The following UTRN variants were observed in gnomAD, a reference collection of about 807,000 sequenced individuals.
UTRN encodes the protein utrophin, also known as dystrophin-related protein 1.
UTRN carries 283 observed loss-of-function variants against 463.9 expected under a neutral mutation model. That is an observed-to-expected ratio of 0.61 (90% CI 0.55 to 0.67). The LOEUF is 0.67. Among genes scored for constraint, UTRN ranks in the 30% least tolerant of loss-of-function variants. The probability of loss-of-function intolerance (pLI) is 0.00; values close to 1 mark genes in which losing one functional copy is unlikely to be tolerated. For missense variants in UTRN, 3,922 were observed against 4,084.3 expected (o/e 0.96, Z 1.08); for synonymous variants, 1,442 against 1,431.5 (o/e 1.01, Z -0.17).
intron 51 of UTRN, among the ~76,000 whole-genome samples, chr6:144,647,371 G>A (rs1778403857): frequency 6.6e-6 from 1 of 152,162 alleles, no homozygotes; most frequent in Non-Finnish European, 1.5e-5. Context: ...CAGAACAGAG[G>A]AGTTTATTTG....
At chr6:144,344,080 T>C in intron 2 of UTRN, 2 of 978,176 alleles carry the variant, frequency 2.0e-6, no homozygotes, top group Non-Finnish European at 2.5e-6. Context: ...ATGGGAAAAA[T>C]AAAAGCCACC....
intron 41 of UTRN, among the ~76,000 whole-genome samples, chr6:144,529,374 G>T (rs1796841789): frequency 6.6e-6 from 1 of 152,180 alleles, no homozygotes; most frequent in Admixed American, 6.5e-5. Context: ...GTATGTTCCT[G>T]CGGTAGTTCT....
intron 2 of UTRN, among the ~76,000 whole-genome samples, chr6:144,379,413 G>A (rs1426374878): frequency 1.3e-5 from 2 of 152,070 alleles, no homozygotes. Context: ...ATTCCAAGAT[G>A]GCTTATGTAC....
intron 51 of UTRN, among the ~76,000 whole-genome samples, chr6:144,625,718 A>G (rs1775875872): frequency 6.6e-6 from 1 of 152,204 alleles, no homozygotes; most frequent in African/African-American, 2.4e-5. Context: ...TTAGTCCTCT[A>G]TTACTTATTA....
rs17073957 is a variant in UTRN at position 144,617,968 on chromosome 6, A to G, written c.7479+40680A>G. On this transcript the variant is annotated intron_variant, in intron 51 of 74. Coordinates refer to ENST00000367545, the MANE Select transcript of UTRN (RefSeq NM_007124.3). ...CAAAAAAGCCATCCCTCGATTTAGC[A>G]GAACATTGAGAAATCCTTTCCTTTG... Among the ~76,000 whole-genome samples the G allele has an allele frequency of 1.6e-3, 251 of 152,328 alleles. 1 individual carries two copies. Among genetic ancestry groups the G allele is most frequent in the African/African-American group, 5.6e-3 (233 of 41,580 alleles).
chr6:144,290,443 C>T (rs1329946059), intron 1 of UTRN, among the ~76,000 whole-genome samples: 1 of 152,174 alleles, frequency 6.6e-6, no homozygotes, highest in Non-Finnish European at 1.5e-5. Context: ...GATTTGTCTG[C>T]TCATGAGAAG....
chr6:144,418,779 C>T (rs1784580598), intron 3 of UTRN, among the ~76,000 whole-genome samples: 1 of 151,962 alleles, frequency 6.6e-6, no homozygotes, highest in Admixed American at 6.5e-5. Flanking sequence ...GTCTCGAATT[C>T]CTGCTCAAGT....
chr6:144,766,182 T>A (rs1297842657), intron 58 of UTRN, among the ~76,000 whole-genome samples: 2 of 152,000 alleles, frequency 1.3e-5, no homozygotes, highest in Non-Finnish European at 2.9e-5. Flanking sequence ...ATGTTACTGA[T>A]GGGGGTACTC....
intron 61 of UTRN, among the ~76,000 whole-genome samples, chr6:144,782,526 C>T (rs1775927112): frequency 6.6e-6 from 1 of 151,918 alleles, no homozygotes. Flanking sequence ...TAATAATCTG[C>T]TCTACAATCT....
At position 144,602,541 on chromosome 6, in the gene UTRN, G is replaced by A. The variant is rs533548923; in HGVS notation, c.7479+25253G>A. On this transcript the variant is annotated intron_variant, in intron 51 of 74. Coordinates refer to ENST00000367545, the MANE Select transcript of UTRN (RefSeq NM_007124.3). ...GTAAGCTATGCATACATTTAAGAAA[G>A]ACTAGTAAATACAAGTGAGATACTT... Among the ~76,000 whole-genome samples, 9 of 152,250 alleles carry A rather than the reference G, an allele frequency of 5.9e-5. No homozygotes were observed. In the South Asian group the frequency reaches 1.9e-3, roughly 32 times the overall value.
chr6:144,704,399 G>A (rs1251677219), intron 53 of UTRN, among the ~76,000 whole-genome samples: 3 of 152,116 alleles, frequency 2.0e-5, no homozygotes, highest in South Asian at 2.1e-4. Flanking sequence ...ATTAGTACTC[G>A]GTATAGATTA....
intron 51 of UTRN, among the ~76,000 whole-genome samples, chr6:144,581,762 C>T (rs1197853294): frequency 1.3e-5 from 2 of 152,202 alleles, no homozygotes; most frequent in Non-Finnish European, 1.5e-5. Flanking sequence ...AGTCTATTCA[C>T]GATTGTACGA....
chr6:144,822,783 TC>T (rs1312031772), intron 66 of UTRN, among the ~76,000 whole-genome samples: 1 of 151,480 alleles, frequency 6.6e-6, no homozygotes, highest in East Asian at 1.9e-4. Flanking sequence ...TTTTTTTGTA[TC>T]CCATCCAGTT....
intron 51 of UTRN, among the ~76,000 whole-genome samples, chr6:144,670,529 T>G (rs1359288783): frequency 6.6e-6 from 1 of 152,084 alleles, no homozygotes; most frequent in Admixed American, 6.6e-5. Flanking sequence ...TGGATGTTAG[T>G]CCTTTGCTGG....
chr6:144,493,282 T>C lies in UTRN; in HGVS notation c.4438-19T>C. On this transcript the variant is annotated intron_variant, in intron 32 of 74. Coordinates refer to ENST00000367545, the MANE Select transcript of UTRN (RefSeq NM_007124.3). ...TCACCACAGTGTGTAATTTGTCTTT[T>C]TCTTTGTTTGTTTTAAAGAAACTGT... 1 of 1,612,876 alleles carries C rather than the reference T, an allele frequency of 6.2e-7. No homozygotes were observed. The highest frequency in any genetic ancestry group is 1.7e-5 in the Admixed American group (1 of 59,940).
chr6:144,762,761 T>A (rs1162474997), intron 58 of UTRN, among the ~76,000 whole-genome samples: 1 of 152,198 alleles, frequency 6.6e-6, no homozygotes, highest in Non-Finnish European at 1.5e-5. Flanking sequence ...GATTTAAGTA[T>A]CTGCGAGTAA....
intron 58 of UTRN, among the ~76,000 whole-genome samples, chr6:144,764,768 A>G (rs546987053): frequency 6.6e-6 from 1 of 152,328 alleles, no homozygotes; most frequent in South Asian, 2.1e-4. Flanking sequence ...AGAAAAAAAT[A>G]GAAGTAATTA....
intron 7 of UTRN, among the ~76,000 whole-genome samples, chr6:144,426,871 A>G (rs555773201): frequency 6.6e-6 from 1 of 152,334 alleles, no homozygotes; most frequent in Non-Finnish European, 1.5e-5. Context: ...AAACTTGTGA[A>G]CAGATTCTAA....
rs34507977 is a variant in UTRN at position 144,724,222 on chromosome 6, C to CTTTT, written c.7810-6114_7810-6111dup. Reference sequence around the variant, plus strand: ...CCATTATTGCTATCTAGATTCATAACTTTTTTTTTTTTTTTTTTTTTTTTG... The same window carrying CTTTT: ...CCATTATTGCTATCTAGATTCATAACTTTTTTTTTTTTTTTTTTTTTTTTTTTTG... On this transcript the variant is annotated intron_variant, in intron 53 of 74. Coordinates refer to ENST00000367545, the MANE Select transcript of UTRN (RefSeq NM_007124.3). Among the ~76,000 whole-genome samples, 39 of 78,150 alleles carry CTTTT rather than the reference C, an allele frequency of 5.0e-4. 1 individual carries two copies. Among genetic ancestry groups the CTTTT allele is most frequent in the East Asian group, 1.0e-3 (2 of 1,918 alleles). 51.3% of individuals were successfully genotyped at this position (78,150 alleles called of 152,430 possible).
Sources: allele counts gnomAD v4.1 joint callset (sites outside exome capture counted in the v4.1 genomes callset), GRCh38; gene constraint gnomAD v4.1.1; transcripts MANE v1.5; gene names NCBI Gene and HGNC (gene_info 2026-07-23, HGNC 2026-07-21).